OCA2: variants seen among roughly 807,000 people sequenced by gnomAD.
OCA2 encodes the protein OCA2 melanosomal transmembrane protein, also known as P protein.
OCA2 carries 77 observed loss-of-function variants against 100.2 expected under a neutral mutation model. The observed-to-expected ratio is 0.77, with a 90% confidence interval of 0.64 to 0.93. The LOEUF is 0.93. Ranked by LOEUF, OCA2 falls within the 40% of genes least tolerant of loss-of-function variation. The pLI is 0.00. For missense variants in OCA2, 1,062 were observed against 1,089.1 expected (o/e 0.98, Z 0.35); for synonymous variants, 432 against 439.2 (o/e 0.98, Z 0.21).
chr15:27,757,003 T>A (rs1035901989), intron 23 of OCA2, among the ~76,000 whole-genome samples: 1 of 152,134 alleles, frequency 6.6e-6, no homozygotes, highest in East Asian at 1.9e-4. Context: ...CTCAGACCCA[T>A]CAGAAACCCT....
intron 23 of OCA2, among the ~76,000 whole-genome samples, chr15:27,812,232 C>G (rs573686505): frequency 6.6e-6 from 1 of 152,292 alleles, no homozygotes; most frequent in South Asian, 2.1e-4. Flanking sequence ...TAAAACTACC[C>G]AAACTCCTTT....
At chr15:27,861,655 C>T (rs1298539139) in intron 21 of OCA2, among the ~76,000 whole-genome samples, 2 of 152,114 alleles carry the variant, frequency 1.3e-5, no homozygotes, top group East Asian at 1.9e-4. Context: ...GGGTCTCTCT[C>T]GAGGGCGGGC....
intron 2 of OCA2, among the ~76,000 whole-genome samples, chr15:28,057,521 T>G (rs1428389193): frequency 2.0e-5 from 3 of 152,146 alleles, no homozygotes; most frequent in Non-Finnish European, 4.4e-5. Flanking sequence ...GCATCAGCTC[T>G]GTAACAGACA....
chr15:27,875,954 T>C (rs1303660827), intron 19 of OCA2, among the ~76,000 whole-genome samples: 4 of 152,066 alleles, frequency 2.6e-5, no homozygotes, highest in African/African-American at 7.2e-5. Context: ...AACAATCATA[T>C]AGCCTACAAA....
At chr15:27,976,183 G>A (rs7182323) in intron 14 of OCA2, among the ~76,000 whole-genome samples, 82,844 of 152,016 alleles carry the variant, frequency 0.54, 25,731 homozygotes, top group Non-Finnish European at 0.72. Flanking sequence ...AATCTTCTAC[G>A]TGGACGATTG....
chr15:27,873,039 T>C (rs997385417), intron 19 of OCA2, among the ~76,000 whole-genome samples: 1 of 152,186 alleles, frequency 6.6e-6, no homozygotes, highest in African/African-American at 2.4e-5. Flanking sequence ...GCATGTACAG[T>C]TGTTAGCCGA....
chr15:27,880,339 G>A (rs748218323), intron 19 of OCA2, among the ~76,000 whole-genome samples: 12 of 152,030 alleles, frequency 7.9e-5, no homozygotes, highest in African/African-American at 1.4e-4. Context: ...ATATGCACTC[G>A]TTTTTGATTC....
intron 18 of OCA2, among the ~76,000 whole-genome samples, chr15:27,931,787 G>A (rs1265608006): frequency 6.6e-6 from 1 of 152,210 alleles, no homozygotes; most frequent in African/African-American, 2.4e-5. Context: ...AGAATTTGAA[G>A]AGGTATCCAA....
downstream of OCA2, among the ~76,000 whole-genome samples, chr15:27,753,576 A>G (rs1402930191): frequency 6.6e-6 from 1 of 152,064 alleles, no homozygotes; most frequent in Non-Finnish European, 1.5e-5. Context: ...TACTAAAAAT[A>G]CAAAAACAAA....
At chr15:27,895,976 C>A in intron 19 of OCA2, 1 of 774,384 alleles carries the variant, frequency 1.3e-6, no homozygotes, top group Non-Finnish European at 2.3e-6. Flanking sequence ...GAAGGTTGGC[C>A]TGACCAATTA....
intron 14 of OCA2, among the ~76,000 whole-genome samples, chr15:27,972,878 A>T (rs7495522): frequency 0.031 from 1,128 of 36,420 alleles, 60 homozygotes; most frequent in African/African-American, 0.044. Context: ...ATTTTATTTT[A>T]TTTTTGTGAC....
chr15:27,862,958 G>A lies in OCA2; in HGVS notation c.2244+8196C>T, dbSNP rs140466305. On this transcript the variant is annotated intron_variant, in intron 21 of 23. Coordinates refer to ENST00000354638, the MANE Select transcript of OCA2 (RefSeq NM_000275.3). Reference sequence around the variant, plus strand: ...AATATACATCTGAAGCTCCTTTTCCGCTGTGTGACAGCTGGAAGGCACATG... The same window carrying A: ...AATATACATCTGAAGCTCCTTTTCCACTGTGTGACAGCTGGAAGGCACATG... Among the ~76,000 whole-genome samples the A allele has an allele frequency of 3.2e-3, 492 of 152,202 alleles. 2 individuals are homozygous for A. Among genetic ancestry groups the A allele is most frequent in the African/African-American group, 0.011 (469 of 41,520 alleles).
intron 23 of OCA2, among the ~76,000 whole-genome samples, chr15:27,842,145 T>C (rs2035365020): frequency 6.6e-6 from 1 of 152,246 alleles, no homozygotes; most frequent in African/African-American, 2.4e-5. Flanking sequence ...GTTGGAGGCA[T>C]AGCTATTCTA....
chr15:27,873,298 G>C (rs12440997), intron 19 of OCA2, among the ~76,000 whole-genome samples: 38,789 of 152,164 alleles, frequency 0.25, 5,841 homozygotes, highest in East Asian at 0.56. Flanking sequence ...CAGTGTGACA[G>C]CCAAAGATGT....
At chr15:27,934,633 G>T (rs1043925534) in intron 18 of OCA2, among the ~76,000 whole-genome samples, 1 of 152,190 alleles carries the variant, frequency 6.6e-6, no homozygotes, top group African/African-American at 2.4e-5. Flanking sequence ...TCTTTTCCAT[G>T]ATTCTGAGAG....
chr15:27,761,346 C>T (rs1002484535), intron 23 of OCA2, among the ~76,000 whole-genome samples: 3 of 152,024 alleles, frequency 2.0e-5, no homozygotes, highest in Admixed American at 6.6e-5. Context: ...CTTAAAATCA[C>T]TCCAATTAAA....
chr15:27,765,835 C>T (rs758517167), intron 23 of OCA2, among the ~76,000 whole-genome samples: 5 of 152,244 alleles, frequency 3.3e-5, no homozygotes, highest in South Asian at 2.1e-4. Context: ...AATCAGAGGT[C>T]ACTCTCATCA....
At chr15:27,967,333 CGTTT>C (rs1431778328) in intron 14 of OCA2, among the ~76,000 whole-genome samples, 5 of 152,126 alleles carry the variant, frequency 3.3e-5, no homozygotes, top group Non-Finnish European at 7.4e-5. Flanking sequence ...AAATTGTTAA[CGTTT>C]GTTTCTTTCA....
chr15:27,807,304 C>T (rs2033897484), intron 23 of OCA2, among the ~76,000 whole-genome samples: 1 of 152,146 alleles, frequency 6.6e-6, no homozygotes, highest in Non-Finnish European at 1.5e-5. Context: ...TCCTGACTTC[C>T]CTCACTTCTC....
Sources: allele counts gnomAD v4.1 joint callset (sites outside exome capture counted in the v4.1 genomes callset), GRCh38; gene constraint gnomAD v4.1.1; transcripts MANE v1.5; gene names NCBI Gene and HGNC (gene_info 2026-07-23, HGNC 2026-07-21).